RARB: variants seen among roughly 807,000 people sequenced by gnomAD.
RARB encodes the protein HBV-activated protein.
In RARB, 17 loss-of-function variants were observed where a neutral mutation model predicts 51.9. The ratio of observed to expected loss-of-function variants is 0.33; its 90% confidence interval spans 0.22 to 0.49. The LOEUF is 0.49. RARB is among the 20% of genes least tolerant of loss of function. RARB has a pLI of 0.99. For synonymous variants in RARB, 215 were observed against 195.4 expected (o/e 1.10, Z -0.84); for missense variants, 369 against 550.8 (o/e 0.67, Z 3.30).
At chr3:25,242,997 G>C (rs1178346857) in intron 5 of RARB, among the ~76,000 whole-genome samples, 2 of 152,094 alleles carry the variant, frequency 1.3e-5, no homozygotes, top group Non-Finnish European at 2.9e-5. Context: ...GCAGTGGTTT[G>C]TAGTTCTCCT....
intron 5 of RARB, among the ~76,000 whole-genome samples, chr3:25,582,087 G>A (rs1419530740): frequency 6.6e-6 from 1 of 152,144 alleles, no homozygotes; most frequent in African/African-American, 2.4e-5. Context: ...ATAAACAGGA[G>A]CCCTTAGGGA....
At chr3:25,196,247 T>C (rs1177303144) in intron 5 of RARB, among the ~76,000 whole-genome samples, 1 of 150,810 alleles carries the variant, frequency 6.6e-6, no homozygotes, top group East Asian at 2.0e-4. Context: ...CAGGCCCCAG[T>C]GTGTGATGTT....
At chr3:24,859,386 T>G (rs1702698602) in intron 2 of RARB, among the ~76,000 whole-genome samples, 1 of 152,206 alleles carries the variant, frequency 6.6e-6, no homozygotes, top group Non-Finnish European at 1.5e-5. Context: ...AAGTAAGTTT[T>G]TAGTACAACT....
intron 4 of RARB, among the ~76,000 whole-genome samples, chr3:25,170,314 A>G (rs1434358665): frequency 1.3e-5 from 2 of 152,200 alleles, no homozygotes; most frequent in South Asian, 2.1e-4. Context: ...GGCTCTTTAC[A>G]GAAGAAATTT....
intron 2 of RARB, among the ~76,000 whole-genome samples, chr3:24,888,201 A>G (rs1197277244): frequency 6.6e-6 from 1 of 152,194 alleles, no homozygotes; most frequent in Non-Finnish European, 1.5e-5. Flanking sequence ...GGAATATCAA[A>G]TTATTTTATA....
At chr3:25,072,072 G>C (rs900182793) in intron 3 of RARB, among the ~76,000 whole-genome samples, 2 of 152,206 alleles carry the variant, frequency 1.3e-5, no homozygotes, top group Non-Finnish European at 2.9e-5. Context: ...AAGGATTCTC[G>C]TTTCTGTGTT....
chr3:25,219,263 G>GT (rs1373684356), intron 5 of RARB, among the ~76,000 whole-genome samples: 1 of 98,332 alleles, frequency 1.0e-5, no homozygotes, highest in Non-Finnish European at 2.4e-5. Context: ...TTACCTCTAG[G>GT]TTAAAAAAAA....
At chr3:25,166,981 G>T (rs1378035724) in intron 4 of RARB, among the ~76,000 whole-genome samples, 1 of 152,112 alleles carries the variant, frequency 6.6e-6, no homozygotes, top group Non-Finnish European at 1.5e-5. Context: ...GTCCATAATG[G>T]CAGGTCAAAT....
At chr3:25,256,983 G>C (rs76887092) in intron 5 of RARB, among the ~76,000 whole-genome samples, 2 of 151,980 alleles carry the variant, frequency 1.3e-5, no homozygotes, top group Non-Finnish European at 2.9e-5. Flanking sequence ...AATATCATAC[G>C]ATAAGGACTA....
chr3:25,495,954 G>A (rs115681372), intron 2 of RARB, among the ~76,000 whole-genome samples: 1,559 of 152,268 alleles, frequency 0.01, 9 homozygotes, highest in Non-Finnish European at 0.017. Context: ...CATAGTCAAC[G>A]TGCACAAGTC....
intron 5 of RARB, among the ~76,000 whole-genome samples, chr3:25,374,741 G>A (rs967600576): frequency 6.6e-6 from 1 of 152,108 alleles, no homozygotes; most frequent in Non-Finnish European, 1.5e-5. Flanking sequence ...TCCTCCATTG[G>A]CTCCCTCTGA....
intron 5 of RARB, among the ~76,000 whole-genome samples, chr3:25,322,448 T>G (rs1483591983): frequency 6.6e-6 from 1 of 152,216 alleles, no homozygotes; most frequent in Non-Finnish European, 1.5e-5. Context: ...AAGTAAGTTC[T>G]GATTTTCTTA....
At chr3:25,132,091 TA>T (rs1330919344) in intron 3 of RARB, among the ~76,000 whole-genome samples, 1 of 151,864 alleles carries the variant, frequency 6.6e-6, no homozygotes, top group East Asian at 1.9e-4. Context: ...CACCATATTG[TA>T]AAAAAGTTTA....
chr3:24,877,849 T>C (rs1033636001), intron 2 of RARB, among the ~76,000 whole-genome samples: 53 of 152,208 alleles, frequency 3.5e-4, no homozygotes, highest in African/African-American at 1.3e-3. Flanking sequence ...CCAACACATG[T>C]CCACATGAAT....
intron 2 of RARB, among the ~76,000 whole-genome samples, chr3:25,046,237 C>A (rs1356065298): frequency 6.6e-6 from 1 of 152,172 alleles, no homozygotes; most frequent in Non-Finnish European, 1.5e-5. Context: ...CTGATAAGCT[C>A]AAAGGCTTGT....
intron 5 of RARB, among the ~76,000 whole-genome samples, chr3:25,251,516 C>G (rs1227649413): frequency 2.0e-5 from 3 of 152,074 alleles, no homozygotes; most frequent in African/African-American, 7.2e-5. Flanking sequence ...TCTCCATATC[C>G]TCTCCAAAAG....
At chr3:25,525,551 T>A (rs893763805) in intron 3 of RARB, among the ~76,000 whole-genome samples, 1 of 147,744 alleles carries the variant, frequency 6.8e-6, no homozygotes, top group African/African-American at 2.4e-5. Context: ...ACTTACTATG[T>A]AGACTTTCAA....
intron 3 of RARB, among the ~76,000 whole-genome samples, chr3:25,066,873 C>T (rs1698674500): frequency 6.6e-6 from 1 of 152,152 alleles, no homozygotes; most frequent in East Asian, 1.9e-4. Context: ...TGTATCTTGG[C>T]TCACCGGTCT....
chr3:25,205,432 C>T (rs1208412210), intron 5 of RARB, among the ~76,000 whole-genome samples: 1 of 152,172 alleles, frequency 6.6e-6, no homozygotes, highest in Admixed American at 6.5e-5. Context: ...ATCCACTGTC[C>T]TGCACCCACT....
Sources: allele counts gnomAD v4.1 joint callset (sites outside exome capture counted in the v4.1 genomes callset), GRCh38; gene constraint gnomAD v4.1.1; transcripts MANE v1.5; gene names NCBI Gene and HGNC (gene_info 2026-07-23, HGNC 2026-07-21).